The following PSMF1 variants were observed in gnomAD, a reference collection of about 807,000 sequenced individuals.
PSMF1 encodes the protein proteasome inhibitor subunit 1, also known as proteasome inhibitor PI31 subunit.
PSMF1 carries 30 observed loss-of-function variants against 29.3 expected under a neutral mutation model. The ratio of observed to expected loss-of-function variants is 1.02; its 90% confidence interval spans 0.77 to 1.39. PSMF1 has a LOEUF of 1.39. Among genes scored for constraint, PSMF1 ranks in the 40% most tolerant of loss-of-function variants. The pLI, the probability that PSMF1 is intolerant of heterozygous loss-of-function variation, is 0.00. For missense variants in PSMF1, 344 were observed against 357.5 expected (o/e 0.96, Z 0.31); for synonymous variants, 134 against 139.7 (o/e 0.96, Z 0.29).
intron 3 of PSMF1, among the ~76,000 whole-genome samples, chr20:1,130,423 A>G (rs763260378): frequency 5.9e-5 from 9 of 152,224 alleles, no homozygotes; most frequent in Non-Finnish European, 7.4e-5. Context: ...CACCCCTTCA[A>G]TCTCACCTTG....
At chr20:1,141,675 G>A (rs573591402) in intron 4 of PSMF1, among the ~76,000 whole-genome samples, 20 of 152,080 alleles carry the variant, frequency 1.3e-4, no homozygotes, top group East Asian at 5.8e-4. Context: ...GTTTTAGCCC[G>A]CACATTAAAA....
In PSMF1 at chr20:1,159,602, C is replaced by G. The variant is rs370251268; in HGVS notation, c.552-3528C>G. ...AGCATTTTATCAGCCACTAGAAGCC[C>G]CCTATGTTTGCCACTCTGGGCGGGG... On this transcript the variant is annotated intron_variant, in intron 4 of 6. Transcript: ENST00000335877. Among the ~76,000 whole-genome samples, 13 of 152,312 alleles carry G rather than the reference C, an allele frequency of 8.5e-5. No individual in the cohort carries two copies. The East Asian group carries it at 2.1e-3, about 25-fold the overall frequency.
Position 1,128,203 on chromosome 20 carries a change from T to C in PSMF1, c.365+695T>C, listed in dbSNP as rs571955209. On this transcript the variant is annotated intron_variant, in intron 3 of 6. Transcript: ENST00000335877. ...ACCACTGATCTTTTGACTGTCTCCA[T>C]AGTTTTGCCTTTTCTAGAGTGTCAC... Among the ~76,000 whole-genome samples, 11 of 152,326 alleles carry C rather than the reference T, an allele frequency of 7.2e-5. 1 individual carries two copies. In the South Asian group the frequency reaches 2.1e-3, roughly 29 times the overall value.
At chr20:1,161,516 A>T in intron 4 of PSMF1, 1 of 543,704 alleles carries the variant, frequency 1.8e-6, no homozygotes. Flanking sequence ...GGATGCAGAA[A>T]GAGATCACTG....
chr20:1,154,542 A>C (rs1395358537), intron 4 of PSMF1, among the ~76,000 whole-genome samples: 2 of 152,230 alleles, frequency 1.3e-5, no homozygotes, highest in Non-Finnish European at 2.9e-5. Flanking sequence ...TTAGCTGGAC[A>C]AAGTTAATAA....
chr20:1,166,160 G>A lies in PSMF1; in HGVS notation c.*1080G>A, dbSNP rs974604837. ...TGAGTGTGGTGTTGAACTTCGGGAG[G>A]AGCAGGGAGCCCTGCACCTTGTGTC... On this transcript the variant is annotated 3_prime_UTR_variant, in exon 7 of 7. Transcript: ENST00000335877. The A allele has an allele frequency of 1.3e-6, 2 of 1,595,750 alleles. No individual in the cohort carries two copies. The highest frequency in any genetic ancestry group is 4.5e-5 in the East Asian group (2 of 44,088).
intron 2 of PSMF1, among the ~76,000 whole-genome samples, chr20:1,126,263 G>A (rs186968780): frequency 1.3e-5 from 2 of 152,282 alleles, no homozygotes; most frequent in African/African-American, 4.8e-5. Context: ...GGGACTATAA[G>A]TGCCACAAGG....
intron 4 of PSMF1, among the ~76,000 whole-genome samples, chr20:1,157,113 T>C (rs537322528): frequency 6.6e-5 from 10 of 152,276 alleles, no homozygotes; most frequent in African/African-American, 1.9e-4. Flanking sequence ...GAGAAAGATG[T>C]AGGCTGGGAA....
chr20:1,155,953 T>A (rs1315224261), intron 4 of PSMF1, among the ~76,000 whole-genome samples: 2 of 152,204 alleles, frequency 1.3e-5, no homozygotes, highest in Admixed American at 1.3e-4. Flanking sequence ...AGTATTAAGA[T>A]GACACAGATG....
At chr20:1,119,660 C>T (rs2086059787) in intron 1 of PSMF1, among the ~76,000 whole-genome samples, 1 of 152,168 alleles carries the variant, frequency 6.6e-6, no homozygotes, top group Non-Finnish European at 1.5e-5. Flanking sequence ...CGTTGTCATC[C>T]CCACAGAGTT....
chr20:1,161,148 C>T (rs2086662196), intron 4 of PSMF1: 1 of 367,870 alleles, frequency 2.7e-6, no homozygotes, highest in Non-Finnish European at 5.2e-6. Flanking sequence ...CATGAAGATT[C>T]TCACAGAGTA....
chr20:1,164,229 C>T lies in PSMF1; in HGVS notation c.606-89C>T. ...GGGCCATCCAGAGTAGACATCCCAG[C>T]CATTCTTGGTGCATTGTAACCTCCC... On this transcript the variant is annotated intron_variant, in intron 5 of 6. Transcript: ENST00000335877. This position sits in a 1 kb window ranked among gnomAD's most constrained non-coding sequence, Gnocchi z 4.1. 7.5e-7 allele frequency: 1 copy of T among 1,337,034 alleles called. No homozygotes were observed. Among genetic ancestry groups the T allele is most frequent in the Non-Finnish European group, 1.1e-6 (1 of 936,266 alleles). The allele number at this position is 1,337,034 out of a possible 1,614,324, so 82.8% of individuals were successfully genotyped here.
intron 4 of PSMF1, among the ~76,000 whole-genome samples, chr20:1,148,421 C>A (rs1600163119): frequency 6.7e-6 from 1 of 148,996 alleles, no homozygotes; most frequent in East Asian, 2.3e-4. Context: ...TGCCCCAAAT[C>A]CTGCTCCATG....
upstream of PSMF1, among the ~76,000 whole-genome samples, chr20:1,115,989 C>G (rs573342449): frequency 3.8e-4 from 57 of 151,544 alleles, no homozygotes; most frequent in African/African-American, 1.3e-3. Context: ...CCTCAGCCTC[C>G]CAAAGTGCTG....
At chr20:1,162,576 C>G (rs1299916812) in intron 4 of PSMF1, among the ~76,000 whole-genome samples, 1 of 152,146 alleles carries the variant, frequency 6.6e-6, no homozygotes, top group Non-Finnish European at 1.5e-5. Flanking sequence ...GGGTTGGGGG[C>G]AGTCCTAGAG....
At chr20:1,146,930 A>G (rs1021750543) in intron 4 of PSMF1, among the ~76,000 whole-genome samples, 1 of 152,234 alleles carries the variant, frequency 6.6e-6, no homozygotes, top group Non-Finnish European at 1.5e-5. Context: ...CCATTCAGGT[A>G]GCTGGCAAAG....
chr20:1,131,167 C>T (rs2086224006), intron 3 of PSMF1, among the ~76,000 whole-genome samples: 1 of 152,232 alleles, frequency 6.6e-6, no homozygotes, highest in Non-Finnish European at 1.5e-5. Flanking sequence ...CTCTTGACTT[C>T]TTCACTCTGG....
intron 1 of PSMF1, among the ~76,000 whole-genome samples, chr20:1,123,549 A>G (rs911263957): frequency 6.6e-6 from 1 of 152,130 alleles, no homozygotes; most frequent in African/African-American, 2.4e-5. Flanking sequence ...TTTCTTTTAT[A>G]TATAATACTA....
At chr20:1,162,115 G>A (rs1257231092) in intron 4 of PSMF1, among the ~76,000 whole-genome samples, 2 of 152,124 alleles carry the variant, frequency 1.3e-5, no homozygotes, top group African/African-American at 4.8e-5. Context: ...GCTGGCAAGG[G>A]CTCCTGAACC....
Sources: allele counts gnomAD v4.1 joint callset (sites outside exome capture counted in the v4.1 genomes callset), GRCh38; gene constraint gnomAD v4.1.1; non-coding constraint Gnocchi (gnomAD v3.1); transcripts MANE v1.5; gene names NCBI Gene and HGNC (gene_info 2026-07-23, HGNC 2026-07-21).